Variants in NUP210L observed in about 807,000 individuals in gnomAD.
NUP210L encodes nuclear pore membrane glycoprotein 210-like.
Under a neutral mutation model 208.5 loss-of-function variants are expected in NUP210L, and 74 were observed. The ratio of observed to expected loss-of-function variants is 0.35; its 90% CI spans 0.29 to 0.43. The LOEUF (loss-of-function observed/expected upper bound fraction) is 0.43. NUP210L is among the 20% of genes least tolerant of loss of function. The pLI is 1.00. For synonymous variants in NUP210L, 780 were observed against 816.9 expected (o/e 0.95, Z 0.77); for missense variants, 1,843 against 2,289.4 (o/e 0.81, Z 3.98).
chr1:154,147,631 G>C (rs1251061577), intron 2 of NUP210L, among the ~76,000 whole-genome samples: 1 of 151,320 alleles, frequency 6.6e-6, no homozygotes, highest in Non-Finnish European at 1.5e-5. Context: ...GGCCTCCGGA[G>C]CTAGTGCCCT....
chr1:153,993,602 A>G (rs1460263308), intron 38 of NUP210L, among the ~76,000 whole-genome samples: 1 of 149,938 alleles, frequency 6.7e-6, no homozygotes, highest in Non-Finnish European at 1.5e-5. Context: ...GGAGTAGACA[A>G]TAGTGTTGTG....
At chr1:154,123,367 A>G (rs1261151896) in intron 10 of NUP210L, among the ~76,000 whole-genome samples, 1 of 152,032 alleles carries the variant, frequency 6.6e-6, no homozygotes, top group Non-Finnish European at 1.5e-5. Flanking sequence ...GCTGGTCTCA[A>G]GCTCCTGACC....
At chr1:154,125,214 G>A (rs1237400160) in intron 10 of NUP210L, among the ~76,000 whole-genome samples, 1 of 152,050 alleles carries the variant, frequency 6.6e-6, no homozygotes, top group East Asian at 1.9e-4. Flanking sequence ...CTTTGGGAGG[G>A]TGAGGCGGGT....
At chr1:153,995,965 T>G (rs115582068) in intron 37 of NUP210L, 1 of 426,510 alleles carries the variant, frequency 2.3e-6, no homozygotes, top group Non-Finnish European at 4.5e-6. Flanking sequence ...AAATAAAAAA[T>G]GAAACTTTTG....
chr1:154,067,433 G>A (rs1195687625), intron 17 of NUP210L, among the ~76,000 whole-genome samples: 1 of 152,074 alleles, frequency 6.6e-6, no homozygotes, highest in Non-Finnish European at 1.5e-5. Flanking sequence ...AGGTATTGAT[G>A]GGACGTATCT....
At chr1:154,037,656 C>CTTTTATTTTA (rs774905976) in intron 27 of NUP210L, among the ~76,000 whole-genome samples, 113 of 152,064 alleles carry the variant, frequency 7.4e-4, no homozygotes, top group African/African-American at 2.1e-3. Flanking sequence ...CACTCTATGT[C>CTTTTATTTTA]TTTTATTTTA....
intron 25 of NUP210L, among the ~76,000 whole-genome samples, chr1:154,049,778 C>G (rs780982759): frequency 3.3e-5 from 5 of 152,128 alleles, no homozygotes; most frequent in Non-Finnish European, 5.9e-5. Flanking sequence ...AAAAAACTGG[C>G]CTTTAATGTC....
intron 18 of NUP210L, 25 bp downstream of exon 18, chr1:154,061,561 T>A: frequency 7.7e-7 from 1 of 1,297,068 alleles, no homozygotes; most frequent in Non-Finnish European, 1.1e-6. Flanking sequence ...TAATTTATAT[T>A]TCTTACATTA....
chr1:154,066,164 G>A (rs1315393636), intron 17 of NUP210L, among the ~76,000 whole-genome samples: 3 of 152,136 alleles, frequency 2.0e-5, no homozygotes, highest in Non-Finnish European at 4.4e-5. Context: ...ATACCCACAA[G>A]AGAAAGCAGG....
At chr1:154,069,623 C>T (rs1012652859) in intron 17 of NUP210L, among the ~76,000 whole-genome samples, 3 of 152,204 alleles carry the variant, frequency 2.0e-5, no homozygotes, top group African/African-American at 7.2e-5. Context: ...CTAGTTCAAC[C>T]ATTGTGGAAG....
rs1157416980 is a variant in NUP210L at position 154,030,001 on chromosome 1, T to C, written c.3750A>G (p.Lys1250=). ...CCTTGATACTGGTCCTGCCTGCTGC[T>C]TTTGTATGGACAACCATGGCAAAGT... is the stretch of plus-strand genomic sequence containing the variant. Residue 1250 remains lysine, a synonymous_variant, in exon 28 of 40, where the codon AAA becomes AAG. Transcript: ENST00000368559. 3 of 1,611,254 alleles carry C rather than the reference T, an allele frequency of 1.9e-6. No homozygotes were observed. The Admixed American group carries it at 5.1e-5, about 27-fold the overall frequency.
chr1:154,133,720 G>A (rs1658373242), intron 7 of NUP210L, among the ~76,000 whole-genome samples: 1 of 150,880 alleles, frequency 6.6e-6, no homozygotes, highest in African/African-American at 2.4e-5. Flanking sequence ...ACGTGCCTGT[G>A]GTCCCAGCTA....
chr1:154,027,749 C>T (rs1383284512), intron 28 of NUP210L, 152 bp from the exon 29 acceptor site: 8 of 559,168 alleles, frequency 1.4e-5, no homozygotes, highest in Non-Finnish European at 2.2e-5. Context: ...AGTCTAAAAT[C>T]GTCCACAATA....
In NUP210L at chr1:154,131,281, A is replaced by AG. The variant is rs1169467840; in HGVS notation, c.1010-1937_1010-1936insC. ...AGCGAGACTCCATCTCAAAAAAAAA[A>AG]AAAAGAAAAGAAAAGAGCTAGAAGG... is the stretch of plus-strand genomic sequence containing the variant. On this transcript the variant is annotated intron_variant, in intron 7 of 39. Coordinates refer to ENST00000368559, the Ensembl canonical transcript of NUP210L. Among the ~76,000 whole-genome samples, 10 of 151,936 alleles carry AG rather than the reference A, an allele frequency of 6.6e-5. No homozygotes were observed. In the South Asian group the frequency reaches 1.5e-3, roughly 22 times the overall value.
chr1:154,019,377 CA>C (rs1651432630), intron 32 of NUP210L, among the ~76,000 whole-genome samples: 1 of 152,130 alleles, frequency 6.6e-6, no homozygotes, highest in South Asian at 2.1e-4. Flanking sequence ...CTACTAAGGA[CA>C]AATTTGCTTT....
chr1:154,013,701 A>G (rs1651090259), intron 33 of NUP210L, among the ~76,000 whole-genome samples: 1 of 152,190 alleles, frequency 6.6e-6, no homozygotes, highest in South Asian at 2.1e-4. Flanking sequence ...TGAAACTTCA[A>G]AGTACATTGT....
intron 28 of NUP210L, 116 bp downstream of exon 28, chr1:154,029,780 G>T: frequency 1.3e-6 from 1 of 755,912 alleles, no homozygotes; most frequent in East Asian, 2.9e-5. Context: ...ACCTGTTCCA[G>T]GAATCGCTCT....
chr1:153,995,195 TAACAA>T lies in NUP210L; in HGVS notation c.5387-20_5387-16del, dbSNP rs751615408. On this transcript the variant is annotated splice_polypyrimidine_tract_variant and intron_variant, in intron 37 of 39. Transcript: ENST00000368559. ...TTCACAGTGATCTATACATTGGCCA[TAACAA>T]AACAAGATAATAGTTAATAGCAACC... is the stretch of plus-strand genomic sequence containing the variant. 2.6e-6 allele frequency: 4 copies of T among 1,553,324 alleles called. No individual in the cohort carries two copies. In the Admixed American group the frequency reaches 7.0e-5, roughly 27 times the overall value.
chr1:154,073,452 A>G (rs1654867716), intron 16 of NUP210L, among the ~76,000 whole-genome samples: 1 of 152,076 alleles, frequency 6.6e-6, no homozygotes, highest in South Asian at 2.1e-4. Context: ...CTTGAGCCCA[A>G]GTTCAAGGTT....
Sources: gnomAD v4.1 joint callset for allele counts (sites outside exome capture counted in the v4.1 genomes callset) on GRCh38, gnomAD v4.1.1 for gene constraint, MANE v1.5 for transcripts, NCBI Gene and HGNC (gene_info 2026-07-23, HGNC 2026-07-21) for gene names.